Variants in HPS5 observed in about 807,000 individuals in gnomAD.
The protein encoded by HPS5 is BLOC-2 complex member HPS5.
Under a neutral mutation model 128.0 loss-of-function variants are expected in HPS5, and 83 were observed. That is an observed-to-expected ratio of 0.65 (90% CI 0.54 to 0.78). The LOEUF (loss-of-function observed/expected upper bound fraction) is 0.78, where lower values mean the gene tolerates loss of function less well. HPS5 is among the 30% of genes least tolerant of loss of function. The probability of loss-of-function intolerance (pLI) is 0.00; values close to 1 mark genes in which losing one functional copy is unlikely to be tolerated. For synonymous variants in HPS5, 475 were observed against 470.2 expected, an observed-to-expected ratio of 1.01 and a Z score of -0.13; for missense variants, 1,281 against 1,326.2, an observed-to-expected ratio of 0.97 and a Z score of 0.53.
chr11:18,287,739 A>G (rs763078010), intron 17 of HPS5, 49 bp from the exon 18 acceptor site: 14 of 1,606,820 alleles, frequency 8.7e-6, no homozygotes, highest in African/African-American at 1.3e-5. Context: ...GTGAAATTAT[A>G]TAACTTGGTT....
chr11:18,318,588 G>T (rs186879322), intron 1 of HPS5, among the ~76,000 whole-genome samples: 1 of 152,130 alleles, frequency 6.6e-6, no homozygotes, highest in Admixed American at 6.5e-5. Context: ...AAAGTAACAC[G>T]AAAGTTTTTA....
In HPS5 at chr11:18,298,867, G is replaced by T; in HGVS notation, c.1089C>A (p.Arg363=). 1 of 1,614,182 alleles carries T rather than the reference G, an allele frequency of 6.2e-7. No individual in the cohort carries two copies. The highest frequency in any genetic ancestry group is 1.1e-5 in the South Asian group (1 of 91,084). The change falls in exon 10 of 23, where the codon CGC becomes CGA. Residue 363 remains arginine (R), a synonymous_variant. Coordinates refer to ENST00000349215, the MANE Select transcript of HPS5 (RefSeq NM_181507.2). The part of the protein sequence containing the change: ...SLISVERCVE[R]LLRRGLWNLA... The stretch of plus-strand genomic sequence containing the variant: ...AGTTCCATAGGCCTCTTCTTAGCAG[G>T]CGTTCCACACAGCGCTCCACAGATA...
intron 5 of HPS5, 32 bp from the exon 6 acceptor site, chr11:18,309,111 A>G: frequency 6.2e-7 from 1 of 1,602,494 alleles, no homozygotes; most frequent in African/African-American, 1.3e-5. Flanking sequence ...AATAAAGTTT[A>G]TTTAATCATA....
chr11:18,292,730 G>A (rs1480101538), intron 15 of HPS5, among the ~76,000 whole-genome samples, 169 bp downstream of exon 15: 1 of 152,092 alleles, frequency 6.6e-6, no homozygotes, highest in African/African-American at 2.4e-5. Context: ...TTTCCTATTA[G>A]TCCTAGGAAG....
At chr11:18,316,515 C>A (rs1156386144) in intron 2 of HPS5, among the ~76,000 whole-genome samples, 1 of 152,080 alleles carries the variant, frequency 6.6e-6, no homozygotes, top group Non-Finnish European at 1.5e-5. Flanking sequence ...AAAAATGAAG[C>A]AAGTCAGTAT....
intron 18 of HPS5, 138 bp downstream of exon 18, chr11:18,287,397 C>G: frequency 1.1e-6 from 1 of 914,686 alleles, no homozygotes; most frequent in Middle Eastern, 3.0e-4. Context: ...GTTACAAGGC[C>G]TCCCAAATCC....
chr11:18,298,140 T>G (rs947590796), intron 10 of HPS5, among the ~76,000 whole-genome samples: 5 of 149,462 alleles, frequency 3.3e-5, no homozygotes, highest in African/African-American at 1.2e-4. Context: ...AAAACTTCAA[T>G]GGTGCTTTAA....
chr11:18,282,986 G>A lies in HPS5; in HGVS notation c.3059-766C>T, dbSNP rs141941123. Among the ~76,000 whole-genome samples, 82 of 152,246 alleles carry A rather than the reference G, an allele frequency of 5.4e-4. 2 individuals are homozygous for A. Among genetic ancestry groups the A allele is most frequent in the South Asian group, 3.9e-3 (19 of 4,816 alleles). ...AATGTGACACAGGAAAGAACTTGACGAATTCAAGGAATTTTTCTTTTCCTT... is the reference window on the plus strand; with the variant it reads ...AATGTGACACAGGAAAGAACTTGACAAATTCAAGGAATTTTTCTTTTCCTT... On this transcript the variant is annotated intron_variant, in intron 21 of 22. Coordinates refer to ENST00000349215, the MANE Select transcript of HPS5 (RefSeq NM_181507.2).
intron 12 of HPS5, chr11:18,296,433 G>T: frequency 1.8e-6 from 1 of 545,102 alleles, no homozygotes; most frequent in East Asian, 3.2e-5. Flanking sequence ...CATCGAAAAA[G>T]GAAGGCAATG....
At chr11:18,295,939 TA>T in intron 13 of HPS5, 59 bp downstream of exon 13, 1 of 1,528,952 alleles carries the variant, frequency 6.5e-7, no homozygotes, top group Non-Finnish European at 9.1e-7. Context: ...ACAAATTACC[TA>T]ATGTGAGAAC....
At chr11:18,281,008 G>A (rs1425927367) in intron 22 of HPS5, among the ~76,000 whole-genome samples, 1 of 151,166 alleles carries the variant, frequency 6.6e-6, no homozygotes, top group Non-Finnish European at 1.5e-5. Flanking sequence ...TTTTTAAATT[G>A]TTAAGATGAT....
rs563393844 is a variant in HPS5, at chr11:18,296,929, C to A, written c.1379G>T (p.Gly460Val). The part of the protein sequence containing the change: ...GIYRIISSRR[G>V]SQSDEDSCSL... ...GCAAGAGTCTTCATCTGACTGACTG[C>A]CTCTTCTACTACTAATGATACGATA... Residue 460 changes from glycine (G) to valine (V), a missense_variant, in exon 12 of 23, where the codon GGC becomes GTC. Coordinates refer to ENST00000349215, the MANE Select transcript of HPS5 (RefSeq NM_181507.2). 3.7e-5 allele frequency: 59 copies of A among 1,609,548 alleles called. No individual in the cohort carries two copies. The Admixed American group carries it at 6.7e-4, about 18-fold the overall frequency.
In HPS5 at chr11:18,304,424, T is replaced by C. The variant is rs114848078; in HGVS notation, c.896+998A>G. ...TAGAGACGGGGTTTCTCCATGTTGA[T>C]AGGCTAGTCTTGAACTCCCGACCTC... On this transcript the variant is annotated intron_variant, in intron 8 of 22. Transcript: ENST00000349215. Among the ~76,000 whole-genome samples, 471 of 152,196 alleles carry C rather than the reference T, an allele frequency of 3.1e-3. 1 individual carries two copies. Among genetic ancestry groups the C allele is most frequent in the African/African-American group, 0.011 (437 of 41,538 alleles).
intron 8 of HPS5, among the ~76,000 whole-genome samples, chr11:18,302,053 C>T (rs530735316): frequency 6.6e-6 from 1 of 151,720 alleles, no homozygotes; most frequent in South Asian, 2.1e-4. Flanking sequence ...ACCCAATAAC[C>T]CTTCATCACT....
chr11:18,282,746 A>G (rs1353430407), intron 21 of HPS5, among the ~76,000 whole-genome samples: 4 of 152,166 alleles, frequency 2.6e-5, no homozygotes, highest in African/African-American at 7.2e-5. Flanking sequence ...GCTAAGCACT[A>G]TGAAAAAAAA....
At chr11:18,302,517 T>C (rs1003768278) in intron 8 of HPS5, among the ~76,000 whole-genome samples, 1 of 152,184 alleles carries the variant, frequency 6.6e-6, no homozygotes, top group Non-Finnish European at 1.5e-5. Context: ...CTTATTGTTG[T>C]TAAACTTTTT....
At chr11:18,290,423 G>A (rs1860254680) in intron 16 of HPS5, among the ~76,000 whole-genome samples, 1 of 152,186 alleles carries the variant, frequency 6.6e-6, no homozygotes, top group Non-Finnish European at 1.5e-5. Context: ...AAACATTATT[G>A]TAAGGATGAA....
chr11:18,311,511 A>ATTTCT (rs1554944990), intron 3 of HPS5, 60 bp from the exon 4 acceptor site: 14 of 531,948 alleles, frequency 2.6e-5, no homozygotes, highest in Admixed American at 4.4e-5. Context: ...TATTATTATT[A>ATTTCT]TTTTTTTTTT....
chr11:18,286,108 G>T (rs1028989164), intron 19 of HPS5, among the ~76,000 whole-genome samples: 1 of 152,176 alleles, frequency 6.6e-6, no homozygotes, highest in African/African-American at 2.4e-5. Flanking sequence ...AAAAATTTCA[G>T]AACCACTAAG....
Sources: allele counts gnomAD v4.1 joint callset (sites outside exome capture counted in the v4.1 genomes callset), GRCh38; gene constraint gnomAD v4.1.1; transcripts MANE v1.5; gene names NCBI Gene and HGNC (gene_info 2026-07-23, HGNC 2026-07-21).